Variants in DTNBP1 observed in about 807,000 individuals in gnomAD.
The protein encoded by DTNBP1 is dystrobrevin binding protein 1, also known as dysbindin.
In DTNBP1, 35 loss-of-function variants were observed where a neutral mutation model predicts 42.8. The observed-to-expected ratio is 0.82, with a 90% CI of 0.63 to 1.09. The LOEUF is 1.09. DTNBP1 is among the 50% of genes least tolerant of loss of function. DTNBP1 has a pLI of 0.00. For synonymous variants in DTNBP1, 171 were observed against 162.2 expected, an observed-to-expected ratio of 1.05 and a Z score of -0.41; for missense variants, 457 against 424.2, an observed-to-expected ratio of 1.08 and a Z score of -0.68.
At chr6:15,524,712 A>AT in intron 8 of DTNBP1, 43 bp from the exon 9 acceptor site, 1 of 1,604,274 alleles carries the variant, frequency 6.2e-7, no homozygotes. Flanking sequence ...TGTCTTTAAT[A>AT]TTACTTTAAA....
intron 1 of DTNBP1, among the ~76,000 whole-genome samples, chr6:15,659,238 G>A (rs1319007427): frequency 1.3e-5 from 2 of 152,190 alleles, no homozygotes; most frequent in East Asian, 3.8e-4. Flanking sequence ...TCTAGAGTTA[G>A]GGCCTTCATA....
rs1297122368 is a variant in DTNBP1, at chr6:15,562,429, A to G, written c.512-29034T>C. On this transcript the variant is annotated intron_variant, in intron 7 of 9. Coordinates refer to ENST00000344537, the MANE Select transcript of DTNBP1 (RefSeq NM_032122.5). Reference sequence around the variant, plus strand: ...AAATATGTTCATAGGTATCACATGCACAGAATGGAAACACTTAGTAAACAT... The same window carrying G: ...AAATATGTTCATAGGTATCACATGCGCAGAATGGAAACACTTAGTAAACAT... Among the ~76,000 whole-genome samples, 3 of 152,360 alleles carry G rather than the reference A, an allele frequency of 2.0e-5. No individual in the cohort carries two copies. In the East Asian group the frequency reaches 5.8e-4, roughly 29 times the overall value.
chr6:15,642,468 C>A (rs963687488), intron 3 of DTNBP1, among the ~76,000 whole-genome samples: 1 of 152,190 alleles, frequency 6.6e-6, no homozygotes, highest in Non-Finnish European at 1.5e-5. Context: ...TTCCACCCAA[C>A]GCCAGCCTAC....
At chr6:15,644,112 C>T (rs1562010048) in intron 3 of DTNBP1, among the ~76,000 whole-genome samples, 1 of 149,596 alleles carries the variant, frequency 6.7e-6, no homozygotes, top group African/African-American at 2.5e-5. Flanking sequence ...CAAATGGAAA[C>T]CAAAAGAGAA....
intron 7 of DTNBP1, among the ~76,000 whole-genome samples, chr6:15,571,187 T>C (rs979304707): frequency 6.6e-6 from 1 of 152,232 alleles, no homozygotes; most frequent in Non-Finnish European, 1.5e-5. Context: ...TGTTGATTGC[T>C]GAATCTGGGT....
chr6:15,584,736 A>G (rs865992694), intron 7 of DTNBP1, among the ~76,000 whole-genome samples: 2 of 140,846 alleles, frequency 1.4e-5, no homozygotes, highest in African/African-American at 5.2e-5. Context: ...TTTCATTTAC[A>G]GAGAAGTGGC....
In DTNBP1 at chr6:15,572,367, CCAT is replaced by C. The variant is rs1775375724; in HGVS notation, c.511+20689_511+20691del. ...CATGGTTGTAGCAGACTTCTCCCCA[CCAT>C]ATGTATTTTGCACAGAAAACTCAGT... On this transcript the variant is annotated intron_variant, in intron 7 of 9. Coordinates refer to ENST00000344537, the MANE Select transcript of DTNBP1 (RefSeq NM_032122.5). Among the ~76,000 whole-genome samples, 4 of 152,220 alleles carry C rather than the reference CCAT, an allele frequency of 2.6e-5. No homozygotes were observed. The South Asian group carries it at 8.3e-4, about 32-fold the overall frequency.
At chr6:15,553,954 T>G (rs1032492724) in intron 7 of DTNBP1, among the ~76,000 whole-genome samples, 63 of 152,162 alleles carry the variant, frequency 4.1e-4, no homozygotes, top group Middle Eastern at 3.4e-3. Context: ...GGACACAAGA[T>G]CCTCATGTGA....
chr6:15,606,320 A>G (rs1316871337), intron 6 of DTNBP1, among the ~76,000 whole-genome samples: 1 of 152,244 alleles, frequency 6.6e-6, no homozygotes, highest in African/African-American at 2.4e-5. Flanking sequence ...AAAATATCAT[A>G]TATCCATTTG....
chr6:15,651,463 AT>A (rs1760993167), intron 2 of DTNBP1, 100 bp from the exon 3 acceptor site: 3 of 1,475,848 alleles, frequency 2.0e-6, no homozygotes, highest in Non-Finnish European at 2.8e-6. Flanking sequence ...ATTGTAATAT[AT>A]TTTAAAATCA....
At chr6:15,524,713 T>C (rs764036779) in intron 8 of DTNBP1, 44 bp from the exon 9 acceptor site, 7 of 1,604,322 alleles carry the variant, frequency 4.4e-6, no homozygotes, top group Non-Finnish European at 1.7e-6. Flanking sequence ...GTCTTTAATA[T>C]TACTTTAAAA....
intron 7 of DTNBP1, among the ~76,000 whole-genome samples, chr6:15,589,487 T>C (rs1282833594): frequency 6.6e-6 from 1 of 152,208 alleles, no homozygotes; most frequent in Non-Finnish European, 1.5e-5. Context: ...ATTTCAATCA[T>C]AGTCTCACTA....
Position 15,533,446 on chromosome 6 carries a change from G to A in DTNBP1, c.512-51C>T, listed in dbSNP as rs757905508. The stretch of plus-strand genomic sequence containing the variant: ...AGGGTTTGAAAAGGGACTGAGAGAG[G>A]AAATGGGTATAAACAGCTGCTCGCA... On this transcript the variant is annotated intron_variant, in intron 7 of 9. Transcript: ENST00000344537. The A allele has an allele frequency of 9.9e-6, 16 of 1,613,930 alleles. No individual in the cohort carries two copies. In the East Asian group the frequency reaches 3.3e-4, roughly 34 times the overall value.
Position 15,579,969 on chromosome 6 carries a change from T to C in DTNBP1, c.511+13090A>G, listed in dbSNP as rs77240443. On this transcript the variant is annotated intron_variant, in intron 7 of 9. Coordinates refer to ENST00000344537, the MANE Select transcript of DTNBP1 (RefSeq NM_032122.5). The stretch of plus-strand genomic sequence containing the variant: ...ACAAATATGTACAATTATGTGTCCA[T>C]TTAAAATAATAAAAGCAAAACAATT... 1,389 of 245,316 alleles carry C rather than the reference T, an allele frequency of 5.7e-3. 26 individuals carry two copies. The highest frequency in any genetic ancestry group is 0.029 in the African/African-American group (1,288 of 44,142). 15.2% of individuals were successfully genotyped at this position (245,316 alleles called of 1,614,324 possible).
intron 1 of DTNBP1, 46 bp from the exon 2 acceptor site, chr6:15,652,186 A>G (rs2113810632): frequency 6.8e-7 from 1 of 1,465,398 alleles, no homozygotes; most frequent in East Asian, 2.5e-5. Context: ...TCAAGAGATT[A>G]TTATTATTTT....
intron 3 of DTNBP1, among the ~76,000 whole-genome samples, chr6:15,646,249 T>C (rs970585219): frequency 7.7e-6 from 1 of 129,170 alleles, no homozygotes; most frequent in Non-Finnish European, 1.6e-5. Context: ...CTCAATCTCA[T>C]TTACAATAGA....
chr6:15,563,991 T>TTGAACTTGGGAGGTGGAGG (rs1774954472), intron 7 of DTNBP1, among the ~76,000 whole-genome samples: 2 of 151,678 alleles, frequency 1.3e-5, no homozygotes, highest in Non-Finnish European at 2.9e-5. Context: ...GGAGAATCAC[T>TTGAACTTGGGAGGTGGAGG]TGAACTTGGG....
intron 7 of DTNBP1, among the ~76,000 whole-genome samples, chr6:15,563,537 A>ATGGG (rs1277983702): frequency 6.6e-6 from 1 of 152,220 alleles, no homozygotes; most frequent in Non-Finnish European, 1.5e-5. Flanking sequence ...CATTGTTCCT[A>ATGGG]TAGACAGGAT....
At chr6:15,623,709 T>C (rs2619541) in intron 5 of DTNBP1, among the ~76,000 whole-genome samples, 23,530 of 152,202 alleles carry the variant, frequency 0.15, 2,707 homozygotes, top group African/African-American at 0.32. Context: ...AATAGGATTA[T>C]ACTACCCTCT....
Sources: allele counts gnomAD v4.1 joint callset (sites outside exome capture counted in the v4.1 genomes callset), GRCh38; gene constraint gnomAD v4.1.1; transcripts MANE v1.5; gene names NCBI Gene and HGNC (gene_info 2026-07-23, HGNC 2026-07-21).